KCNMB2: variants seen among roughly 807,000 people sequenced by gnomAD.
The protein encoded by KCNMB2 is potassium calcium-activated channel subfamily M regulatory beta subunit 2.
A neutral mutation model predicts 24.5 loss-of-function variants in KCNMB2; 9 were observed. That is an observed-to-expected ratio of 0.37 (90% CI 0.22 to 0.64). The LOEUF is 0.64. Among genes scored for constraint, KCNMB2 ranks in the 30% least tolerant of loss-of-function variants. The pLI is 0.63. For synonymous variants in KCNMB2, 109 were observed against 104.4 expected (o/e 1.04, Z -0.27); for missense variants, 226 against 284.3 (o/e 0.79, Z 1.47).
chr3:178,655,000 G>C (rs570098375), intron 1 of KCNMB2, among the ~76,000 whole-genome samples: 2 of 151,846 alleles, frequency 1.3e-5, no homozygotes, highest in East Asian at 1.9e-4. Context: ...AATAAGGTTA[G>C]TGGTTTCTAC....
chr3:178,727,216 A>G (rs528276088), intron 1 of KCNMB2, among the ~76,000 whole-genome samples: 14 of 152,256 alleles, frequency 9.2e-5, no homozygotes, highest in Admixed American at 8.5e-4. Context: ...TATTGCTCTC[A>G]TCTAATCCAA....
At chr3:178,672,858 C>T (rs1016101188) in intron 1 of KCNMB2, among the ~76,000 whole-genome samples, 18 of 152,166 alleles carry the variant, frequency 1.2e-4, no homozygotes, top group Admixed American at 1.0e-3. Flanking sequence ...CTCAGCCACT[C>T]ACTTCCAGGG....
chr3:178,673,041 T>TTTTTTTTTTTTTTTGAGAC (rs1720957676), intron 1 of KCNMB2, among the ~76,000 whole-genome samples: 1 of 152,212 alleles, frequency 6.6e-6, no homozygotes. Flanking sequence ...ATTCTTTTAT[T>TTTTTTTTTTTTTTTGAGAC]GTCCCTTGCC....
chr3:178,727,300 G>T (rs535721389), intron 1 of KCNMB2, among the ~76,000 whole-genome samples: 1 of 151,624 alleles, frequency 6.6e-6, no homozygotes, highest in East Asian at 1.9e-4. Flanking sequence ...TTTTAGTTTC[G>T]CCTTTTAGGA....
intron 1 of KCNMB2, among the ~76,000 whole-genome samples, chr3:178,744,251 C>G (rs1723589300): frequency 6.6e-6 from 1 of 152,144 alleles, no homozygotes. Context: ...GATTAATAAC[C>G]TGAAATATCT....
intron 1 of KCNMB2, among the ~76,000 whole-genome samples, chr3:178,612,400 C>T (rs1718512451): frequency 6.6e-6 from 1 of 151,724 alleles, no homozygotes; most frequent in South Asian, 2.1e-4. Flanking sequence ...ATTACATTTC[C>T]TTTCTATATC....
chr3:178,647,465 G>A (rs998307733), intron 1 of KCNMB2, among the ~76,000 whole-genome samples: 1 of 152,094 alleles, frequency 6.6e-6, no homozygotes, highest in Non-Finnish European at 1.5e-5. Context: ...TTAACAGAGT[G>A]CACTAGAATC....
At chr3:178,637,638 A>G (rs2108544911) in intron 1 of KCNMB2, among the ~76,000 whole-genome samples, 1 of 152,318 alleles carries the variant, frequency 6.6e-6, no homozygotes, top group East Asian at 1.9e-4. Flanking sequence ...ATGGTCTAAC[A>G]CAAGTGAAAT....
At chr3:178,605,539 C>T (rs937130664) in intron 1 of KCNMB2, among the ~76,000 whole-genome samples, 2 of 152,078 alleles carry the variant, frequency 1.3e-5, no homozygotes, top group Non-Finnish European at 2.9e-5. Context: ...ATGAATAGAC[C>T]TTTAAAGGTG....
chr3:178,568,630 G>A (rs1304625152), intron 1 of KCNMB2, among the ~76,000 whole-genome samples: 5 of 151,718 alleles, frequency 3.3e-5, no homozygotes, highest in Admixed American at 3.3e-4. Context: ...AGGAAAGGGA[G>A]AGAAATACAT....
chr3:178,766,134 C>T (rs927108953), intron 1 of KCNMB2, among the ~76,000 whole-genome samples: 2 of 152,118 alleles, frequency 1.3e-5, no homozygotes, highest in Non-Finnish European at 2.9e-5. Context: ...AGGAAGCCTT[C>T]CCTTATGTTC....
intron 1 of KCNMB2, among the ~76,000 whole-genome samples, chr3:178,682,110 A>G (rs1560164308): frequency 6.6e-6 from 1 of 152,144 alleles, no homozygotes; most frequent in African/African-American, 2.4e-5. Context: ...ATTCTTCTCC[A>G]CTTCCCTGGT....
chr3:178,836,726 A>G (rs1333050208), intron 4 of KCNMB2, among the ~76,000 whole-genome samples: 1 of 152,062 alleles, frequency 6.6e-6, no homozygotes, highest in Non-Finnish European at 1.5e-5. Context: ...TATATATAAA[A>G]TTATTACTCA....
chr3:178,683,039 C>T (rs150372213), intron 1 of KCNMB2, among the ~76,000 whole-genome samples: 5 of 152,104 alleles, frequency 3.3e-5, no homozygotes, highest in African/African-American at 9.6e-5. Context: ...CATCCACTTG[C>T]GCATTCATTG....
intron 1 of KCNMB2, among the ~76,000 whole-genome samples, chr3:178,607,950 A>T (rs928101327): frequency 3.3e-5 from 5 of 152,172 alleles, no homozygotes; most frequent in African/African-American, 1.2e-4. Context: ...TCCTTAAGTA[A>T]AATTTTAATG....
chr3:178,628,599 G>C (rs1719201875), intron 1 of KCNMB2, among the ~76,000 whole-genome samples: 1 of 152,116 alleles, frequency 6.6e-6, no homozygotes, highest in Admixed American at 6.6e-5. Context: ...CCAGCTCCGG[G>C]TGTGAGTTAA....
intron 1 of KCNMB2, among the ~76,000 whole-genome samples, chr3:178,783,699 C>A (rs1384684258): frequency 6.6e-6 from 1 of 151,898 alleles, no homozygotes. Context: ...GGGGCTGAGA[C>A]AATGGGGTTT....
At chr3:178,549,314 T>TC (rs1461391517) in intron 1 of KCNMB2, among the ~76,000 whole-genome samples, 4 of 149,924 alleles carry the variant, frequency 2.7e-5, no homozygotes, top group Non-Finnish European at 4.5e-5. Flanking sequence ...ATTTTCTTTT[T>TC]TTTTTTTTTT....
rs748150645 is a variant in KCNMB2 at position 178,550,938 on chromosome 3, T to C, written c.-68+14227T>C. ...GATGAGAGTGGGTAATCATGTCAAA[T>C]ATTACAGAGAATTCAAAGGAAGAGC... On this transcript the variant is annotated intron_variant, in intron 1 of 4. Transcript: ENST00000452583. Among the ~76,000 whole-genome samples the C allele has an allele frequency of 6.4e-4, 98 of 152,206 alleles. 1 individual carries two copies. The highest frequency in any genetic ancestry group is 2.6e-4 in the Admixed American group (4 of 15,288).
Sources: allele counts gnomAD v4.1 joint callset (sites outside exome capture counted in the v4.1 genomes callset), GRCh38; gene constraint gnomAD v4.1.1; transcripts MANE v1.5; gene names NCBI Gene and HGNC (gene_info 2026-07-23, HGNC 2026-07-21).